Variants in FANCB observed in about 807,000 individuals in gnomAD.
The protein encoded by FANCB is Fanconi anemia group B protein.
Under a neutral mutation model 38.9 loss-of-function variants are expected in FANCB, and 5 were observed. That is an observed-to-expected ratio of 0.13 (90% CI 0.07 to 0.27). The LOEUF is 0.27. Among genes scored for constraint, FANCB ranks in the 10% least tolerant of loss-of-function variants. The pLI is 1.00. For synonymous variants in FANCB, 236 were observed against 215.4 expected, an observed-to-expected ratio of 1.10 and a Z score of -0.84; for missense variants, 573 against 602.7, an observed-to-expected ratio of 0.95 and a Z score of 0.52.
At chrX:14,748,222 G>A in the FANCB span, among the ~76,000 whole-genome samples, 2 of 112,172 alleles carry the variant, frequency 1.8e-5, no homozygotes, top group African/African-American at 3.2e-5. Context: ...CCTACAGAGA[G>A]GTCTACATAG....
chrX:14,809,555 C>T, the FANCB span, among the ~76,000 whole-genome samples: 9 of 112,175 alleles, frequency 8.0e-5, no homozygotes, highest in African/African-American at 1.3e-4. Context: ...GAGGGTCCTA[C>T]GCCCACGGAG....
the FANCB span, among the ~76,000 whole-genome samples, chrX:14,693,218 A>C: frequency 7.1e-5 from 8 of 111,934 alleles, no homozygotes; most frequent in African/African-American, 2.3e-4. Context: ...ACTCAACTTT[A>C]GTCAGCCTCC....
chrX:14,865,055 AAAG>A lies in FANCB; in HGVS notation c.453_455del (p.Phe152del). 1 of 1,210,554 alleles carries A rather than the reference AAAG, an allele frequency of 8.3e-7. No individual in the cohort carries two copies. Among genetic ancestry groups the A allele is most frequent in the Non-Finnish European group, 1.1e-6 (1 of 894,911 alleles). On this transcript the variant is annotated inframe_deletion, in exon 3 of 10. Transcript: ENST00000650831. ...CAACTTTGCCAGTTTGAGAAGAGAT[AAAG>A]AAGAATGCTTTGACATGCCTCCATA... is the stretch of plus-strand genomic sequence containing the variant.
At chrX:14,787,741 T>C in the FANCB span, among the ~76,000 whole-genome samples, 1 of 105,923 alleles carries the variant, frequency 9.4e-6, no homozygotes, top group African/African-American at 3.4e-5. Flanking sequence ...AATTTGTTAG[T>C]TTTTTATGAA....
At chrX:14,823,333 C>T in the FANCB span, among the ~76,000 whole-genome samples, 2 of 111,135 alleles carry the variant, frequency 1.8e-5, no homozygotes, top group Non-Finnish European at 3.8e-5. Context: ...CCGCCCGCCC[C>T]GGCCTCCCAA....
the FANCB span, among the ~76,000 whole-genome samples, chrX:14,697,437 G>A: frequency 8.9e-6 from 1 of 111,924 alleles, no homozygotes; most frequent in Non-Finnish European, 1.9e-5. Flanking sequence ...TGCAGTGAAC[G>A]AGTTCTCACC....
chrX:14,717,345 T>TAA, the FANCB span, among the ~76,000 whole-genome samples: 74 of 91,319 alleles, frequency 8.1e-4, no homozygotes, highest in Admixed American at 1.5e-3. Context: ...CTTAAGAAAG[T>TAA]AAAAAAAAAA....
At chrX:14,780,169 T>C in the FANCB span, among the ~76,000 whole-genome samples, 3 of 110,849 alleles carry the variant, frequency 2.7e-5, no homozygotes, top group Non-Finnish European at 5.6e-5. Context: ...AATGCAACAC[T>C]TACCTCTATA....
intron 4 of FANCB, among the ~76,000 whole-genome samples, chrX:14,858,981 T>C (rs1207122506): frequency 9.0e-6 from 1 of 111,694 alleles, no homozygotes; most frequent in Non-Finnish European, 1.9e-5. Context: ...CAAATTTATA[T>C]CAAAAGCATG....
chrX:14,839,545 A>G (rs2092349496), downstream of FANCB, among the ~76,000 whole-genome samples: 1 of 111,586 alleles, frequency 9.0e-6, no homozygotes, highest in South Asian at 3.7e-4. Context: ...AATAAAGAAA[A>G]GAAGATAAAA....
the FANCB span, among the ~76,000 whole-genome samples, chrX:14,757,708 T>C: frequency 8.9e-6 from 1 of 111,828 alleles, no homozygotes; most frequent in African/African-American, 3.3e-5. Context: ...AGGAAAGCCA[T>C]TTCTGTCTCA....
the FANCB span, among the ~76,000 whole-genome samples, chrX:14,732,569 C>T: frequency 1.6e-3 from 183 of 111,954 alleles, no homozygotes; most frequent in African/African-American, 5.8e-3. Flanking sequence ...TTTTAATGAT[C>T]GCTATTTTAA....
chrX:14,709,161 C>T, the FANCB span, among the ~76,000 whole-genome samples: 1 of 111,009 alleles, frequency 9.0e-6, no homozygotes, highest in Non-Finnish European at 1.9e-5. Flanking sequence ...CGTAGGCCAG[C>T]AGTTCAAGGC....
chrX:14,802,618 G>A, the FANCB span, among the ~76,000 whole-genome samples: 1 of 111,888 alleles, frequency 8.9e-6, no homozygotes, highest in Non-Finnish European at 1.9e-5. Flanking sequence ...CAGATCAGAT[G>A]AGATATGGTG....
In FANCB at chrX:14,843,971, C is replaced by T. The variant is rs777566944; in HGVS notation, c.2176G>A (p.Val726Ile). Residue 726 changes from valine (V) to isoleucine (I), a missense_variant, in exon 10 of 10, where the codon GTT (valine) becomes ATT (isoleucine). By Grantham distance (29) the Val-to-Ile change is conservative (BLOSUM62 3). Transcript: ENST00000650831. ...ILIIYSRNQT[V>I]MFQCLHNLIR... The stretch of plus-strand genomic sequence containing the variant: ...AGATTATGAAGGCACTGGAACATAA[C>T]TGTTTGATTCCTAAAATAAAAAAAC... The T allele has an allele frequency of 3.3e-6, 4 of 1,202,611 alleles. No homozygotes were observed. The African/African-American group carries it at 7.0e-5, about 21-fold the overall frequency.
the FANCB span, among the ~76,000 whole-genome samples, chrX:14,753,593 G>C: frequency 9.0e-6 from 1 of 111,379 alleles, no homozygotes; most frequent in African/African-American, 3.3e-5. Flanking sequence ...CTGGCAGTTG[G>C]CTGAATATCA....
chrX:14,800,915 T>G, the FANCB span, among the ~76,000 whole-genome samples: 1 of 111,888 alleles, frequency 8.9e-6, no homozygotes, highest in Non-Finnish European at 1.9e-5. Flanking sequence ...AGTGTTCTTT[T>G]GACAAACACC....
the FANCB span, among the ~76,000 whole-genome samples, chrX:14,772,134 TGGG>T: frequency 2.7e-5 from 3 of 111,216 alleles, no homozygotes; most frequent in Middle Eastern, 9.3e-3. Flanking sequence ...TGTGCTGTGT[TGGG>T]GGCTGGAGGG....
In FANCB at chrX:14,843,618, A is replaced by T. The variant is rs1400602846; in HGVS notation, c.2529T>A (p.Ala843=). The T allele has an allele frequency of 8.3e-7, 1 of 1,205,266 alleles. No homozygotes were observed. Among genetic ancestry groups the T allele is most frequent in the African/African-American group, 1.8e-5 (1 of 56,991 alleles). ...CAAAGTCTGATTTCAACTGAACCTC[A>T]GCTACTTTCAAAGTTATTTCTCTGT... ...ALYREITLKV[A]EVQLKSDFAA... is the part of the protein sequence containing the mutation. The change falls in exon 10 of 10, where the codon GCT becomes GCA. Residue 843 remains alanine (A), a synonymous_variant. Transcript: ENST00000650831.
Sources: gnomAD v4.1 joint callset for allele counts (sites outside exome capture counted in the v4.1 genomes callset) on GRCh38, gnomAD v4.1.1 for gene constraint, MANE v1.5 for transcripts, NCBI Gene and HGNC (gene_info 2026-07-23, HGNC 2026-07-21) for gene names.